The following RXFP1 variants were observed in gnomAD, a reference collection of about 807,000 sequenced individuals.
The protein encoded by RXFP1 is relaxin receptor 1.
In RXFP1, 73 loss-of-function variants were observed where a neutral mutation model predicts 89.8. The observed-to-expected ratio is 0.81, with a 90% confidence interval of 0.67 to 0.99. The LOEUF (loss-of-function observed/expected upper bound fraction) is 0.99, where lower values mean the gene tolerates loss of function less well. RXFP1 is among the 50% of genes least tolerant of loss of function. The pLI, the probability that RXFP1 is intolerant of heterozygous loss-of-function variation, is 0.00. For synonymous variants in RXFP1, 277 were observed against 305.5 expected, an observed-to-expected ratio of 0.91 and a Z score of 0.97; for missense variants, 793 against 895.5, an observed-to-expected ratio of 0.89 and a Z score of 1.46.
At chr4:158,596,470 G>A (rs1386290951) in intron 3 of RXFP1, among the ~76,000 whole-genome samples, 1 of 152,000 alleles carries the variant, frequency 6.6e-6, no homozygotes, top group East Asian at 1.9e-4. Context: ...ACGTTGGTCA[G>A]GCTGGTCTTG....
At chr4:158,616,575 T>C (rs1764618144) in intron 8 of RXFP1, among the ~76,000 whole-genome samples, 1 of 146,040 alleles carries the variant, frequency 6.8e-6, no homozygotes, top group Non-Finnish European at 1.5e-5. Flanking sequence ...TTTTTTTTAG[T>C]TACTAACATT....
chr4:158,553,046 A>G lies in RXFP1; in HGVS notation c.50-19652A>G, dbSNP rs74692726. On this transcript the variant is annotated intron_variant, in intron 1 of 17. Coordinates refer to ENST00000307765, the MANE Select transcript of RXFP1 (RefSeq NM_021634.4). ...CAAAAATAAAAATTAAAAAATAGCC[A>G]TAAGTGGTGGAATGATGCTGAAGTC... 2.2e-4 allele frequency among the ~76,000 whole-genome samples: 33 copies of G among 152,226 alleles called. No homozygotes were observed. In the East Asian group the frequency reaches 6.2e-3, roughly 29 times the overall value.
At position 158,603,301 on chromosome 4, in the gene RXFP1, G is replaced by C. The variant is rs969901584; in HGVS notation, c.393-1767G>C. Among the ~76,000 whole-genome samples, 17 of 152,226 alleles carry C rather than the reference G, an allele frequency of 1.1e-4. No homozygotes were observed. The East Asian group carries it at 2.7e-3, about 24-fold the overall frequency. ...ATATAAACATTTAAACAGGATATAA[G>C]CAGAATTTAGAATCTAAGTCAAGTC... On this transcript the variant is annotated intron_variant, in intron 4 of 17. Transcript: ENST00000307765.
At chr4:158,636,993 G>A (rs1359610461) in intron 12 of RXFP1, among the ~76,000 whole-genome samples, 4 of 152,062 alleles carry the variant, frequency 2.6e-5, no homozygotes, top group African/African-American at 9.7e-5. Flanking sequence ...AGATCATGTG[G>A]TAATTGTCTT....
intron 1 of RXFP1, among the ~76,000 whole-genome samples, chr4:158,557,717 A>G (rs1485360467): frequency 1.3e-5 from 2 of 152,224 alleles, no homozygotes; most frequent in Admixed American, 1.3e-4. Flanking sequence ...CTGTAATTCA[A>G]AAAAAGTCTA....
intron 3 of RXFP1, among the ~76,000 whole-genome samples, chr4:158,596,008 A>T (rs969971777): frequency 1.3e-5 from 2 of 151,418 alleles, no homozygotes; most frequent in Non-Finnish European, 2.9e-5. Context: ...AAAAATTAAA[A>T]CTTAGCTGTG....
rs187002677 is a variant in RXFP1 at position 158,627,527 on chromosome 4, G to A, written c.827+636G>A. On this transcript the variant is annotated intron_variant, in intron 10 of 17. Coordinates refer to ENST00000307765, the MANE Select transcript of RXFP1 (RefSeq NM_021634.4). ...AGGGTGTGTGTGTGTGTGTGTGTGTGTGTGTGTGTGTGTGTGTGTGTGTTT... is the reference window on the plus strand; with the variant it reads ...AGGGTGTGTGTGTGTGTGTGTGTGTATGTGTGTGTGTGTGTGTGTGTGTTT... Among the ~76,000 whole-genome samples, 751 of 151,700 alleles carry A rather than the reference G, an allele frequency of 5.0e-3. 7 individuals are homozygous for A. The highest frequency in any genetic ancestry group is 8.6e-3 in the Non-Finnish European group (580 of 67,830).
At chr4:158,524,479 A>G (rs1202231904) in intron 1 of RXFP1, among the ~76,000 whole-genome samples, 1 of 152,196 alleles carries the variant, frequency 6.6e-6, no homozygotes, top group Non-Finnish European at 1.5e-5. Flanking sequence ...TCTAGAATTC[A>G]ATTCAATAAG....
intron 12 of RXFP1, among the ~76,000 whole-genome samples, chr4:158,636,088 C>T (rs1769099712): frequency 2.6e-5 from 4 of 152,136 alleles, no homozygotes; most frequent in Admixed American, 2.6e-4. Flanking sequence ...GAAATTTTCT[C>T]CATTTAAATT....
At chr4:158,648,864 GC>G in intron 17 of RXFP1, 147 bp downstream of exon 17, 1 of 599,190 alleles carries the variant, frequency 1.7e-6, no homozygotes, top group Non-Finnish European at 2.8e-6. Flanking sequence ...TATAATCCCA[GC>G]ACTCTGGGAG....
At chr4:158,572,098 C>G (rs1280582528) in intron 1 of RXFP1, among the ~76,000 whole-genome samples, 1 of 152,238 alleles carries the variant, frequency 6.6e-6, no homozygotes, top group Non-Finnish European at 1.5e-5. Flanking sequence ...CCTCAAGCCT[C>G]TGTACAAAAT....
In RXFP1 at chr4:158,646,850, C is replaced by T. The variant is rs267600061; in HGVS notation, c.1405C>T (p.Arg469Cys). Residue 469 changes from arginine to cysteine, a missense_variant, in exon 16 of 18, where the codon CGT becomes TGT. Transcript: ENST00000307765. Reference protein sequence around the residue: ...FVIGGFDLKFRGEYNKHAQLW... With the variant: ...FVIGGFDLKFCGEYNKHAQLW... ...GATCGGAGGCTTTGACCTAAAGTTT[C>T]GTGGAGAATACAATAAGCATGCGCA... 6 of 1,613,898 alleles carry T rather than the reference C, an allele frequency of 3.7e-6. No homozygotes were observed. Among genetic ancestry groups the T allele is most frequent in the Non-Finnish European group, 5.1e-6 (6 of 1,179,972 alleles).
chr4:158,603,450 A>AT (rs1359447175), intron 4 of RXFP1, among the ~76,000 whole-genome samples: 1 of 152,182 alleles, frequency 6.6e-6, no homozygotes, highest in Non-Finnish European at 1.5e-5. Context: ...CTTTGGTATT[A>AT]TTTATGTAAA....
intron 1 of RXFP1, among the ~76,000 whole-genome samples, chr4:158,543,060 CAT>C (rs981295759): frequency 5.9e-5 from 9 of 152,216 alleles, no homozygotes; most frequent in Middle Eastern, 3.4e-3. Flanking sequence ...ACCCCCATGA[CAT>C]GAGTTTACTT....
chr4:158,580,785 A>T lies in RXFP1; in HGVS notation c.187+7950A>T, dbSNP rs1030991436. ...GACATCTTATGTTCTAGGTTTGTCT[A>T]TGCATGACTACTTTTTTTATTATTA... On this transcript the variant is annotated intron_variant, in intron 2 of 17. Coordinates refer to ENST00000307765, the MANE Select transcript of RXFP1 (RefSeq NM_021634.4). 2.0e-5 allele frequency among the ~76,000 whole-genome samples: 3 copies of T among 152,168 alleles called. No homozygotes were observed. In the East Asian group the frequency reaches 5.8e-4, roughly 29 times the overall value.
chr4:158,595,510 G>A lies in RXFP1; in HGVS notation c.286+2011G>A, dbSNP rs1334408833. ...TATTAAATACTAGTGTTATGAATTA[G>A]TAGATCAACAAAATATGAAATATTA... is the stretch of plus-strand genomic sequence containing the variant. On this transcript the variant is annotated intron_variant, in intron 3 of 17. Transcript: ENST00000307765. Among the ~76,000 whole-genome samples, 3 of 152,070 alleles carry A rather than the reference G, an allele frequency of 2.0e-5. No homozygotes were observed. In the East Asian group the frequency reaches 5.8e-4, roughly 29 times the overall value.
In RXFP1 at chr4:158,599,363, TCTGGA is replaced by T; in HGVS notation, c.325_329del (p.Leu109AlafsTer2). The T allele has an allele frequency of 6.2e-7, 1 of 1,613,968 alleles. No homozygotes were observed. Among genetic ancestry groups the T allele is most frequent in the East Asian group, 2.2e-5 (1 of 44,868 alleles). On this transcript the variant is annotated frameshift_variant, in exon 4 of 18. Transcript: ENST00000307765. LOFTEE classifies it high-confidence loss of function. ...TGCCAGTGCAATGTCTTTGCCAAGG[TCTGGA>T]GCTTGACTGTGATGAAACCAATTTA...
intron 3 of RXFP1, among the ~76,000 whole-genome samples, chr4:158,598,337 G>A (rs569784050): frequency 3.1e-4 from 47 of 152,112 alleles, no homozygotes; most frequent in Admixed American, 2.0e-3. Context: ...TTCTAATATG[G>A]CAACAGATGA....
rs915372409 is a variant in RXFP1 at position 158,543,959 on chromosome 4, A to T, written c.49+21934A>T. On this transcript the variant is annotated intron_variant, in intron 1 of 17. Coordinates refer to ENST00000307765, the MANE Select transcript of RXFP1 (RefSeq NM_021634.4). ...ATCTGCCTCTGAGGATTCTTGGTGC[A>T]TATTTTTGCATTCTGCCATGTTTCG... The T allele has an allele frequency of 1.0e-5, 10 of 985,320 alleles. No individual in the cohort carries two copies. In the African/African-American group the frequency reaches 1.7e-4, roughly 17 times the overall value. The allele number at this position is 985,320 out of a possible 1,614,324, so 61.0% of individuals were successfully genotyped here. A position where few individuals can be genotyped will look rare whatever the true frequency, so the allele number is the denominator to read the frequency against.
Sources: allele counts gnomAD v4.1 joint callset (sites outside exome capture counted in the v4.1 genomes callset), GRCh38; gene constraint gnomAD v4.1.1; transcripts MANE v1.5; gene names NCBI Gene and HGNC (gene_info 2026-07-23, HGNC 2026-07-21).